The following MYOM1 variants were observed in gnomAD, a reference collection of about 807,000 sequenced individuals.
The protein encoded by MYOM1 is myomesin 1.
MYOM1 carries 164 observed loss-of-function variants against 205.3 expected under a neutral mutation model. That is an observed-to-expected ratio of 0.80 (90% CI 0.70 to 0.91). The LOEUF is 0.91. Among genes scored for constraint, MYOM1 ranks in the 40% least tolerant of loss-of-function variants. The probability of loss-of-function intolerance (pLI) is 0.00; values close to 1 mark genes in which losing one functional copy is unlikely to be tolerated. For synonymous variants in MYOM1, 772 were observed against 789.4 expected, an observed-to-expected ratio of 0.98 and a Z score of 0.37; for missense variants, 2,011 against 2,127.3, an observed-to-expected ratio of 0.95 and a Z score of 1.08.
chr18:3,145,961 AAGG>A (rs1344341242), intron 13 of MYOM1, among the ~76,000 whole-genome samples: 1 of 152,080 alleles, frequency 6.6e-6, no homozygotes, highest in Admixed American at 6.5e-5. Context: ...CAGGTATTAA[AAGG>A]ATAATAAGAA....
At chr18:3,220,236 TAAA>T (rs2081315893), upstream of MYOM1, 1 of 151,786 alleles carries the variant, frequency 6.6e-6, no homozygotes, top group African/African-American at 2.4e-5. Context: ...TGTTAACAGC[TAAA>T]AATAGGTGTA....
chr18:3,164,293 A>G lies in MYOM1; in HGVS notation c.1486T>C (p.Tyr496His). ...TAGGACTTACCTCGAACAAAGACAT[A>G]AGCACTATATTGTTCATAATATTCT... ...MGEYYEQYSA[Y>H]VFVRDADAEI... Residue 496 changes from tyrosine (Y) to histidine (H), a missense_variant, in exon 10 of 38, where the codon TAT becomes CAT. Transcript: ENST00000356443. 6.2e-7 allele frequency: 1 copy of G among 1,613,020 alleles called. No individual in the cohort carries two copies.
At chr18:3,097,404 A>G (rs2079319556) in intron 25 of MYOM1, among the ~76,000 whole-genome samples, 2 of 152,158 alleles carry the variant, frequency 1.3e-5, no homozygotes, top group Admixed American at 6.6e-5. Context: ...CTTGCATGTC[A>G]GAGTTTGTTA....
At chr18:3,142,724 A>G (rs2080069118) in intron 13 of MYOM1, among the ~76,000 whole-genome samples, 1 of 152,214 alleles carries the variant, frequency 6.6e-6, no homozygotes, top group Admixed American at 6.5e-5. Flanking sequence ...TAGAGTTTAG[A>G]GCCACATGAA....
At chr18:3,182,102 T>A (rs78946743) in intron 5 of MYOM1, among the ~76,000 whole-genome samples, 1 of 152,094 alleles carries the variant, frequency 6.6e-6, no homozygotes. Context: ...GTCCAACATA[T>A]AGATATGAAA....
chr18:3,155,075 C>T lies in MYOM1; in HGVS notation c.1515G>A (p.Glu505=). 1 of 1,612,354 alleles carries T rather than the reference C, an allele frequency of 6.2e-7. No homozygotes were observed. The highest frequency in any genetic ancestry group is 8.5e-7 in the Non-Finnish European group (1 of 1,179,128). The change falls in exon 11 of 38, where the codon GAG becomes GAA. Residue 505 remains glutamate, a synonymous_variant. Transcript: ENST00000356443. The part of the protein sequence containing the change: ...AYVFVRDADA[E]IEGAPAAPLD... ...AGGGAGCAGCTGGGGCTCCTTCAAT[C>T]TCTGCATCAGCATCTGTGGAGACAG...
At chr18:3,162,115 G>T (rs2080399894) in intron 10 of MYOM1, among the ~76,000 whole-genome samples, 1 of 152,082 alleles carries the variant, frequency 6.6e-6, no homozygotes, top group Admixed American at 6.6e-5. Context: ...TACCTGCATT[G>T]TTTATATTTT....
chr18:3,076,162 A>G (rs936269768), intron 34 of MYOM1, among the ~76,000 whole-genome samples: 6 of 152,120 alleles, frequency 3.9e-5, no homozygotes, highest in Admixed American at 1.3e-4. Context: ...TCCCAGGTAC[A>G]AACGATTCTC....
the MYOM1 span, among the ~76,000 whole-genome samples, chr18:3,225,043 A>G: frequency 6.6e-6 from 1 of 151,946 alleles, no homozygotes; most frequent in South Asian, 2.1e-4. Context: ...GCTGGAGCGC[A>G]GTGGCGCCAT....
intron 8 of MYOM1, 70 bp downstream of exon 8, chr18:3,173,868 A>C (rs1269753401): frequency 1.4e-5 from 19 of 1,396,252 alleles, no homozygotes; most frequent in Non-Finnish European, 1.8e-5. Context: ...TTATTTCAGC[A>C]TTATGGGCTA....
At chr18:3,208,781 A>C (rs1018250378) in intron 2 of MYOM1, among the ~76,000 whole-genome samples, 45 of 152,324 alleles carry the variant, frequency 3.0e-4, no homozygotes, top group African/African-American at 1.0e-3. Flanking sequence ...TCTAAAGGAA[A>C]AAAAGTAAAA....
At chr18:3,192,246 CTT>C (rs1490991550) in intron 3 of MYOM1, among the ~76,000 whole-genome samples, 1 of 152,084 alleles carries the variant, frequency 6.6e-6, no homozygotes, top group Non-Finnish European at 1.5e-5. Context: ...CCTACCATCT[CTT>C]ATAAGGAATG....
chr18:3,171,328 G>A (rs1331223318), intron 8 of MYOM1, among the ~76,000 whole-genome samples: 2 of 152,152 alleles, frequency 1.3e-5, no homozygotes, highest in Non-Finnish European at 2.9e-5. Flanking sequence ...CTTGCACAGC[G>A]CTGGGAGGCT....
At position 3,119,876 on chromosome 18, in the gene MYOM1, G is replaced by C. The variant is rs765677265; in HGVS notation, c.3111C>G (p.Ala1037=). 6.2e-7 allele frequency: 1 copy of C among 1,605,392 alleles called. No homozygotes were observed. The highest frequency in any genetic ancestry group is 8.5e-7 in the Non-Finnish European group (1 of 1,174,432). ...CAGGTGTCTGTGGTTTACCTGGGAC[G>C]GCGATGGTCCACTCTTCACATTTGA... ...ECFKCEEWTI[A]VPGPPHSLKC... is the part of the protein sequence containing the mutation. Residue 1037 remains alanine, a synonymous_variant, in exon 20 of 38, where the codon GCC becomes GCG. Transcript: ENST00000356443.
intron 29 of MYOM1, among the ~76,000 whole-genome samples, chr18:3,087,978 G>C (rs571316256): frequency 6.6e-6 from 1 of 152,186 alleles, no homozygotes; most frequent in African/African-American, 2.4e-5. Flanking sequence ...CAGAGGAAGC[G>C]GGAGGCCTTC....
intron 20 of MYOM1, among the ~76,000 whole-genome samples, chr18:3,118,380 C>G (rs1313406022): frequency 1.3e-5 from 2 of 152,108 alleles, no homozygotes; most frequent in Non-Finnish European, 2.9e-5. Flanking sequence ...CAGAGCCTCA[C>G]TCTTATCCAG....
In MYOM1 at chr18:3,094,454, G is replaced by A. The variant is rs1406045852; in HGVS notation, c.3728-148C>T. 20 of 818,996 alleles carry A rather than the reference G, an allele frequency of 2.4e-5. 1 individual carries two copies. The Middle Eastern group carries it at 9.7e-4, about 40-fold the overall frequency. 50.7% of individuals were successfully genotyped at this position (818,996 alleles called of 1,614,324 possible). The stretch of plus-strand genomic sequence containing the variant: ...CTTGCAAAGCCCAGAGGCAGTGAGA[G>A]TTGCAGGGAAAGCCTTAGATTAAAG... On this transcript the variant is annotated intron_variant, in intron 25 of 37. Coordinates refer to ENST00000356443, the MANE Select transcript of MYOM1 (RefSeq NM_003803.4).
intron 9 of MYOM1, 23 bp from the exon 10 acceptor site, chr18:3,164,462 C>G: frequency 6.4e-7 from 1 of 1,558,460 alleles, no homozygotes; most frequent in Non-Finnish European, 8.7e-7. Context: ...TAAAAGTAAG[C>G]AAATTAACTT....
intron 2 of MYOM1, among the ~76,000 whole-genome samples, chr18:3,195,719 T>C (rs1319175079): frequency 2.6e-5 from 4 of 152,250 alleles, no homozygotes; most frequent in Non-Finnish European, 1.5e-5. Context: ...GATTTGTTAT[T>C]CTTTTCATTG....
Sources: gnomAD v4.1 joint callset for allele counts (sites outside exome capture counted in the v4.1 genomes callset) on GRCh38, gnomAD v4.1.1 for gene constraint, MANE v1.5 for transcripts, NCBI Gene and HGNC (gene_info 2026-07-23, HGNC 2026-07-21) for gene names.